The following PTBP1 variants were observed in gnomAD, a reference collection of about 807,000 sequenced individuals.
PTBP1 encodes polypyrimidine tract binding protein 1.
In PTBP1, 8 loss-of-function variants were observed where a neutral mutation model predicts 59.8. The ratio of observed to expected loss-of-function variants is 0.13; its 90% confidence interval spans 0.08 to 0.24. PTBP1 has a LOEUF of 0.24. Among genes scored for constraint, PTBP1 ranks in the 10% least tolerant of loss-of-function variants. The pLI is 1.00. For synonymous variants in PTBP1, 490 were observed against 320.7 expected (o/e 1.53, Z -5.64); for missense variants, 686 against 767.0 (o/e 0.89, Z 1.25).
intron 1 of PTBP1, among the ~76,000 whole-genome samples, chr19:798,720 G>A (rs1368500328): frequency 6.6e-6 from 1 of 152,230 alleles, no homozygotes; most frequent in Non-Finnish European, 1.5e-5. Flanking sequence ...GGGAGAAGCC[G>A]TGGGGAGCTC....
intron 9 of PTBP1, 38 bp downstream of exon 9, chr19:805,607 A>G: frequency 6.5e-7 from 1 of 1,537,254 alleles, no homozygotes; most frequent in South Asian, 1.1e-5. Flanking sequence ...CAGCGACTGC[A>G]TGCCCACACC....
At chr19:799,537 G>A (rs576713661) in intron 2 of PTBP1, 94 bp downstream of exon 2, 1,065 of 1,319,112 alleles carry the variant, frequency 8.1e-4, no homozygotes, top group Non-Finnish European at 1.1e-3. Flanking sequence ...TGGCTAGAGG[G>A]CGCTTTTCCA....
intron 1 of PTBP1, among the ~76,000 whole-genome samples, chr19:798,039 A>G (rs1030222652): frequency 6.6e-6 from 1 of 150,686 alleles, no homozygotes; most frequent in Non-Finnish European, 1.5e-5. Flanking sequence ...GGCCGCCGGG[A>G]GGGAAAGCTG....
intron 9 of PTBP1, chr19:805,992 C>T: frequency 3.9e-6 from 1 of 258,936 alleles, no homozygotes; most frequent in Non-Finnish European, 7.4e-6. Flanking sequence ...GGACCGGGGC[C>T]CGGCCGCCCC....
rs1372116418 is a variant in PTBP1 at position 804,513 on chromosome 19, A to AG, written c.436-19_436-18insG. The stretch of plus-strand genomic sequence containing the variant: ...GCCCAGCCGCAGGGGCCGGGGACTC[A>AG]CGGCTGTGCCTCCCACAGCGGGCCC... On this transcript the variant is annotated intron_variant, in intron 5 of 14. Transcript: ENST00000356948. 1 of 1,596,596 alleles carries AG rather than the reference A, an allele frequency of 6.3e-7. No homozygotes were observed.
Position 808,218 on chromosome 19 carries a change from G to A in PTBP1, c.1154-142G>A, listed in dbSNP as rs113459047. 26 of 712,784 alleles carry A rather than the reference G, an allele frequency of 3.6e-5. No individual in the cohort carries two copies. The highest frequency in any genetic ancestry group is 1.1e-4 in the African/African-American group (6 of 56,144). The allele number at this position is 712,784 out of a possible 1,614,324, so 44.2% of individuals were successfully genotyped here. A position where few individuals can be genotyped will look rare whatever the true frequency, so the allele number is the denominator to read the frequency against. On this transcript the variant is annotated intron_variant, in intron 11 of 14. Transcript: ENST00000356948. This position sits in a 1 kb window ranked among gnomAD's most constrained non-coding sequence, Gnocchi z 4.7. ...TCCTGTTAGCGCGCCCTGTGGCTGC[G>A]AGACGCAGCTCCGCAGTGGCCGATA...
At position 805,126 on chromosome 19, in the gene PTBP1, C is replaced by T; in HGVS notation, c.831C>T (p.Arg277=). 4 of 1,613,878 alleles carry T rather than the reference C, an allele frequency of 2.5e-6. No individual in the cohort carries two copies. Among genetic ancestry groups the T allele is most frequent in the Non-Finnish European group, 3.4e-6 (4 of 1,179,890 alleles). Residue 277 remains arginine, a synonymous_variant, in exon 8 of 15, where the codon CGC becomes CGT. Coordinates refer to ENST00000356948, the MANE Select transcript of PTBP1 (RefSeq NM_002819.5). ...ATGACAAGAGCCGTGACTACACACG[C>T]CCAGACCTGCCTTCCGGGGACAGCC... ...YNNDKSRDYT[R]PDLPSGDSQP...
rs1380388154 is a variant in PTBP1, at chr19:810,682, C to A, written c.1542-12C>A. On this transcript the variant is annotated splice_polypyrimidine_tract_variant and intron_variant, in intron 14 of 14. Coordinates refer to ENST00000356948, the MANE Select transcript of PTBP1 (RefSeq NM_002819.5). ...GCTGCCCTGCGGCCGGCCCTGACCC[C>A]CTGTCTTGCAGGAAGGACCGCAAGA... 1.9e-6 allele frequency: 3 copies of A among 1,611,914 alleles called. No individual in the cohort carries two copies. In the East Asian group the frequency reaches 6.7e-5, roughly 36 times the overall value.
Position 808,482 on chromosome 19 carries a change from GGGGGCA to G in PTBP1, c.1246+36_1246+41del, listed in dbSNP as rs772316471. 16 of 1,565,754 alleles carry G rather than the reference GGGGGCA, an allele frequency of 1.0e-5. No homozygotes were observed. The African/African-American group carries it at 2.0e-4, about 20-fold the overall frequency. ...GAGGCCGGGGCGGCCCCGGGGTGGA[GGGGGCA>G]GGGGCGGGGGCTGCGTTCCCTCTCG... On this transcript the variant is annotated intron_variant, in intron 12 of 14. Coordinates refer to ENST00000356948, the MANE Select transcript of PTBP1 (RefSeq NM_002819.5). The surrounding 1 kb of genome is among the most constrained non-coding windows in gnomAD (Gnocchi z 4.7).
chr19:805,119 A>T lies in PTBP1; in HGVS notation c.824A>T (p.Tyr275Phe). 1 of 1,613,876 alleles carries T rather than the reference A, an allele frequency of 6.2e-7. No individual in the cohort carries two copies. Among genetic ancestry groups the T allele is most frequent in the Non-Finnish European group, 8.5e-7 (1 of 1,179,886 alleles). Residue 275 changes from tyrosine (Y) to phenylalanine (F), a missense_variant, in exon 8 of 15, where the codon TAC becomes TTC. Transcript: ENST00000356948. ...TACAACAATGACAAGAGCCGTGACT[A>T]CACACGCCCAGACCTGCCTTCCGGG... ...VKYNNDKSRD[Y>F]TRPDLPSGDS...
intron 8 of PTBP1, 55 bp from the exon 9 acceptor site, chr19:805,437 G>T: frequency 3.3e-6 from 5 of 1,524,706 alleles, no homozygotes; most frequent in Non-Finnish European, 4.5e-6. Flanking sequence ...GCAGCACAGC[G>T]CCCGCTCGCG....
At chr19:803,985 C>T (rs762918162) in intron 3 of PTBP1, 51 bp from the exon 4 acceptor site, 5 of 1,605,838 alleles carry the variant, frequency 3.1e-6, no homozygotes, top group Non-Finnish European at 1.7e-6. Context: ...GGACCTTCCT[C>T]TGTGGGCTCC....
intron 10 of PTBP1, 26 bp downstream of exon 10, chr19:806,582 C>A: frequency 6.8e-7 from 1 of 1,472,980 alleles, no homozygotes; most frequent in Non-Finnish European, 9.0e-7. Flanking sequence ...CTCCGCGCCG[C>A]CGTTCCTCCC....
chr19:809,938 A>G (rs2034776413), intron 13 of PTBP1, among the ~76,000 whole-genome samples: 1 of 152,200 alleles, frequency 6.6e-6, no homozygotes, highest in Admixed American at 6.6e-5. Flanking sequence ...AAATGCAGGT[A>G]CATCTGGCCC....
At position 804,046 on chromosome 19, in the gene PTBP1, T is replaced by C. The variant is rs780227531; in HGVS notation, c.126T>C (p.Asn42=). ...GCACCCCCTTTTCAGCAAACGGAAA[T>C]GACAGCAAGAAGTTCAAAGGTGACA... The part of the protein sequence containing the change: ...SSNSASAANG[N]DSKKFKGDSR... The change falls in exon 4 of 15, where the codon AAT becomes AAC. Residue 42 remains asparagine, a synonymous_variant. Transcript: ENST00000356948. The C allele has an allele frequency of 1.2e-6, 2 of 1,613,904 alleles. No individual in the cohort carries two copies. Among genetic ancestry groups the C allele is most frequent in the Non-Finnish European group, 1.7e-6 (2 of 1,179,984 alleles).
rs2034912997 is a variant in PTBP1 at position 812,149 on chromosome 19, C to T, written c.*1323C>T. On this transcript the variant is annotated 3_prime_UTR_variant, in exon 15 of 15. Transcript: ENST00000356948. ...TGTGACCGCGGAGCCACAGGGGACC[C>T]CACGCACATTCCGTTGCCTTACCCG... 6.6e-6 allele frequency: 1 copy of T among 152,414 alleles called. No individual in the cohort carries two copies. Among genetic ancestry groups the T allele is most frequent in the African/African-American group, 2.4e-5 (1 of 41,444 alleles). The allele number at this position is 152,414 out of a possible 1,614,324, so 9.4% of individuals were successfully genotyped here. A position where few individuals can be genotyped will look rare whatever the true frequency, so the allele number is the denominator to read the frequency against.
chr19:805,229 T>C (rs1428400611), intron 8 of PTBP1, 42 bp downstream of exon 8: 2 of 1,603,394 alleles, frequency 1.2e-6, no homozygotes, highest in East Asian at 2.2e-5. Context: ...CAGAGTGGTC[T>C]ATTAGGGCCG....
At chr19:805,456 T>C in intron 8 of PTBP1, 36 bp from the exon 9 acceptor site, 1 of 1,573,030 alleles carries the variant, frequency 6.4e-7, no homozygotes, top group Non-Finnish European at 8.8e-7. Context: ...CGGTGGAGGT[T>C]GTGGGTGCGA....
At chr19:807,978 AGTTTGCG>A (rs1158198536) in intron 11 of PTBP1, 76 bp downstream of exon 11, 1 of 1,397,508 alleles carries the variant, frequency 7.2e-7, no homozygotes, top group Admixed American at 1.7e-5. Context: ...ACGTATTATG[AGTTTGCG>A]GTTTGGCACT....
Sources: gnomAD v4.1 joint callset for allele counts (sites outside exome capture counted in the v4.1 genomes callset) on GRCh38, gnomAD v4.1.1 for gene constraint, Gnocchi (gnomAD v3.1) non-coding constraint, MANE v1.5 for transcripts, NCBI Gene and HGNC (gene_info 2026-07-23, HGNC 2026-07-21) for gene names.